CCDC51: variants seen among roughly 807,000 people sequenced by gnomAD.
CCDC51 encodes the protein mitochondrial potassium channel.
A neutral mutation model predicts 24.8 loss-of-function variants in CCDC51; 25 were observed. That is an observed-to-expected ratio of 1.01 (90% confidence interval 0.73 to 1.41). CCDC51 has a LOEUF of 1.41. Among genes scored for constraint, CCDC51 ranks in the 40% most tolerant of loss-of-function variants. CCDC51 has a pLI of 0.00. For synonymous variants in CCDC51, 190 were observed against 204.3 expected (o/e 0.93, Z 0.60); for missense variants, 466 against 519.1 (o/e 0.90, Z 0.99).
chr3:48,446,026 T>C, the CCDC51 span, among the ~76,000 whole-genome samples: 1 of 152,206 alleles, frequency 6.6e-6, no homozygotes, highest in Admixed American at 6.5e-5. Flanking sequence ...GCCAGCCTCC[T>C]ACCCCTCTAT....
upstream of CCDC51, chr3:48,440,410 G>A (rs746265014): frequency 6.8e-6 from 11 of 1,611,740 alleles, no homozygotes; most frequent in Non-Finnish European, 9.3e-6. Context: ...CAGGTGGCAA[G>A]AAGAAGCCAC....
chr3:48,437,268 G>A lies in CCDC51; in HGVS notation c.-8-2132C>T, dbSNP rs1484349122. 6.6e-6 allele frequency among the ~76,000 whole-genome samples: 1 copy of A among 152,068 alleles called. No individual in the cohort carries two copies. The highest frequency in any genetic ancestry group is 2.4e-5 in the African/African-American group (1 of 41,356). On this transcript the variant is annotated intron_variant, in intron 1 of 3. Coordinates refer to ENST00000395694, the MANE Select transcript of CCDC51 (RefSeq NM_001256964.2). This position sits in a 1 kb window ranked among gnomAD's most constrained non-coding sequence, Gnocchi z 4.2. ...ATTCTCTCACTAGAACATAAGCTGG[G>A]TGACAACAGACTTCATAAGGGAATG...
intron 1 of CCDC51, among the ~76,000 whole-genome samples, chr3:48,436,989 G>A (rs1340587620): frequency 6.6e-6 from 1 of 152,184 alleles, no homozygotes. Flanking sequence ...CGGTGGCCAA[G>A]AAATCCTGAG....
Position 48,435,227 on chromosome 3 carries a change from T to A in CCDC51, c.-8-91A>T. The A allele has an allele frequency of 9.8e-7, 1 of 1,023,520 alleles. No homozygotes were observed. Among genetic ancestry groups the A allele is most frequent in the Non-Finnish European group, 1.4e-6 (1 of 719,462 alleles). The allele number at this position is 1,023,520 out of a possible 1,614,324, so 63.4% of individuals were successfully genotyped here. On this transcript the variant is annotated intron_variant, in intron 1 of 3. Transcript: ENST00000395694. The surrounding 1 kb of genome is among the most constrained non-coding windows in gnomAD (Gnocchi z 4.2). ...GGCCTAGGGACAGTTCTGAACAGAC[T>A]AATCCCCACTCAAATCATCTAAACT...
In CCDC51 at chr3:48,437,074, C is replaced by CTGGT; in HGVS notation, c.-8-1939_-8-1938insACCA. On this transcript the variant is annotated intron_variant, in intron 1 of 3. Coordinates refer to ENST00000395694, the MANE Select transcript of CCDC51 (RefSeq NM_001256964.2). This position sits in a 1 kb window ranked among gnomAD's most constrained non-coding sequence, Gnocchi z 4.2. Reference sequence around the variant, plus strand: ...CACCGTGCTGGTCTGTGCCCTGCCACCTTGTCCAGCTGGATGACTCTTCCT... The same window carrying CTGGT: ...CACCGTGCTGGTCTGTGCCCTGCCACTGGTCTTGTCCAGCTGGATGACTCTTCCT... Among the ~76,000 whole-genome samples, 1 of 152,344 alleles carries CTGGT rather than the reference C, an allele frequency of 6.6e-6. No individual in the cohort carries two copies. Among genetic ancestry groups the CTGGT allele is most frequent in the South Asian group, 2.1e-4 (1 of 4,828 alleles).
At chr3:48,434,326 C>A (rs1051723529) in intron 2 of CCDC51, among the ~76,000 whole-genome samples, 2 of 152,228 alleles carry the variant, frequency 1.3e-5, no homozygotes, top group East Asian at 1.9e-4. Context: ...CCAGCTGAAC[C>A]CCAGGTTCTT....
chr3:48,442,394 T>A (rs2039591548), upstream of CCDC51, among the ~76,000 whole-genome samples: 1 of 152,004 alleles, frequency 6.6e-6, no homozygotes, highest in South Asian at 2.1e-4. Flanking sequence ...ATTTTAAGGT[T>A]TATTTTGTCA....
chr3:48,440,761 G>C, upstream of CCDC51: 1 of 792,724 alleles, frequency 1.3e-6, no homozygotes, highest in Admixed American at 2.6e-5. Context: ...GCAGCGAATG[G>C]TCTCTAGCCA....
At chr3:48,443,805 A>C (rs1446638862), upstream of CCDC51, 1 of 1,523,750 alleles carries the variant, frequency 6.6e-7, no homozygotes, top group South Asian at 1.3e-5. Flanking sequence ...TTCTACCGTA[A>C]GAACTATATT....
chr3:48,441,765 C>T (rs1472023303), upstream of CCDC51, among the ~76,000 whole-genome samples: 1 of 152,214 alleles, frequency 6.6e-6, no homozygotes, highest in Non-Finnish European at 1.5e-5. Flanking sequence ...TGATTATTTC[C>T]TCCACAGTTG....
chr3:48,442,930 C>A (rs145596187), upstream of CCDC51, among the ~76,000 whole-genome samples: 7 of 152,056 alleles, frequency 4.6e-5, no homozygotes, highest in South Asian at 2.1e-4. Context: ...CATACTTGAA[C>A]AACACCTAAC....
At chr3:48,440,699 A>G, upstream of CCDC51, 2 of 1,416,870 alleles carry the variant, frequency 1.4e-6, no homozygotes, top group East Asian at 2.4e-5. Context: ...GGGCGCGGGC[A>G]TGTCTTTTTC....
upstream of CCDC51, chr3:48,440,669 A>G (rs756580292): frequency 4.5e-6 from 7 of 1,572,538 alleles, no homozygotes; most frequent in South Asian, 2.3e-5. Flanking sequence ...GCCAAACGCT[A>G]TGAGCACCTA....
upstream of CCDC51, chr3:48,440,656 C>T (rs1031405062): frequency 3.8e-6 from 6 of 1,597,892 alleles, no homozygotes; most frequent in Non-Finnish European, 5.1e-6. Flanking sequence ...GGAGCTCAAG[C>T]TGGCCAAACG....
Position 48,435,352 on chromosome 3 carries a change from C to T in CCDC51, c.-8-216G>A, listed in dbSNP as rs904770701. Among the ~76,000 whole-genome samples, 16 of 152,120 alleles carry T rather than the reference C, an allele frequency of 1.1e-4. No individual in the cohort carries two copies. Among genetic ancestry groups the T allele is most frequent in the Admixed American group, 3.3e-4 (5 of 15,284 alleles). On this transcript the variant is annotated intron_variant, in intron 1 of 3. Coordinates refer to ENST00000395694, the MANE Select transcript of CCDC51 (RefSeq NM_001256964.2). This position sits in a 1 kb window ranked among gnomAD's most constrained non-coding sequence, Gnocchi z 4.2. ...TTGGACAATGGAACACAGTTGGGGA[C>T]GAGCCTCTAGGATGCCATACCTTCC...
At chr3:48,440,813 C>T (rs1273062210), upstream of CCDC51, 2 of 622,712 alleles carry the variant, frequency 3.2e-6, no homozygotes, top group East Asian at 2.8e-5. Context: ...GAGCTGGAAA[C>T]GAGGTCTCCT....
At chr3:48,445,808 T>A in the CCDC51 span, among the ~76,000 whole-genome samples, 1 of 151,998 alleles carries the variant, frequency 6.6e-6, no homozygotes, top group African/African-American at 2.4e-5. Flanking sequence ...GCTGAAAGAG[T>A]CTTGCTCCTG....
chr3:48,441,485 CTT>C (rs35268029), upstream of CCDC51, among the ~76,000 whole-genome samples: 2 of 145,484 alleles, frequency 1.4e-5, no homozygotes, highest in African/African-American at 2.5e-5. Flanking sequence ...ACCTGGCCAA[CTT>C]TTTTTTTTTT....
chr3:48,433,995 G>A lies in CCDC51; in HGVS notation c.313-124C>T. 6.8e-7 allele frequency: 1 copy of A among 1,468,546 alleles called. No homozygotes were observed. Among genetic ancestry groups the A allele is most frequent in the Non-Finnish European group, 9.0e-7 (1 of 1,114,772 alleles). The allele number at this position is 1,468,546 out of a possible 1,614,324, so 91.0% of individuals were successfully genotyped here. ...GTGTGAGCTGCAAAGGGTGGAAACG[G>A]AATTCCTTAGACACTAATCCTGGCT... is the stretch of plus-strand genomic sequence containing the variant. On this transcript the variant is annotated intron_variant, in intron 2 of 3. Coordinates refer to ENST00000395694, the MANE Select transcript of CCDC51 (RefSeq NM_001256964.2). The surrounding 1 kb of genome is among the most constrained non-coding windows in gnomAD (Gnocchi z 4.4).
Sources: gnomAD v4.1 joint callset for allele counts (sites outside exome capture counted in the v4.1 genomes callset) on GRCh38, gnomAD v4.1.1 for gene constraint, Gnocchi (gnomAD v3.1) non-coding constraint, MANE v1.5 for transcripts, NCBI Gene and HGNC (gene_info 2026-07-23, HGNC 2026-07-21) for gene names.